ZDHHC7: variants seen among roughly 807,000 people sequenced by gnomAD.
ZDHHC7 encodes the protein palmitoyltransferase ZDHHC7.
ZDHHC7 carries 12 observed loss-of-function variants against 34.1 expected under a neutral mutation model. The observed-to-expected ratio is 0.35, with a 90% CI of 0.23 to 0.57. The LOEUF is 0.57. ZDHHC7 is among the 20% of genes least tolerant of loss of function. The pLI is 0.84. For missense variants in ZDHHC7, 388 were observed against 402.7 expected (o/e 0.96, Z 0.31); for synonymous variants, 185 against 155.4 (o/e 1.19, Z -1.42).
chr16:84,982,835 C>T (rs1026386594), intron 3 of ZDHHC7, among the ~76,000 whole-genome samples: 7 of 152,154 alleles, frequency 4.6e-5, no homozygotes, highest in African/African-American at 1.2e-4. Context: ...GGCGAAGCAG[C>T]GGAAAGAGGA....
At chr16:85,018,542 G>A in the ZDHHC7 span, among the ~76,000 whole-genome samples, 5 of 151,880 alleles carry the variant, frequency 3.3e-5, no homozygotes. Context: ...CCATCTCCCA[G>A]GTTTAAGCAA....
At chr16:85,014,410 G>C (rs773180901), upstream of ZDHHC7, among the ~76,000 whole-genome samples, 5 of 152,140 alleles carry the variant, frequency 3.3e-5, no homozygotes, top group Non-Finnish European at 7.3e-5. Flanking sequence ...TTTTAGAAAA[G>C]GTTTATTTAA....
intron 1 of ZDHHC7, among the ~76,000 whole-genome samples, chr16:84,997,913 A>C (rs1412432559): frequency 6.7e-6 from 1 of 150,090 alleles, no homozygotes; most frequent in East Asian, 2.0e-4. Flanking sequence ...AAAAAAAAAA[A>C]AAAAATAGAA....
intron 1 of ZDHHC7, 56 bp from the exon 2 acceptor site, chr16:84,996,063 G>T (rs1156766459): frequency 6.6e-6 from 1 of 152,122 alleles, no homozygotes; most frequent in Non-Finnish European, 1.5e-5. Context: ...ACAGACGTGT[G>T]TCATATTTCT....
chr16:85,011,432 G>C lies in ZDHHC7; in HGVS notation c.-250C>G, dbSNP rs1397030605. ...CGGGCCCCGCGGCTCGGCTCGGCTTGGTCCCCTGGGTCCCGCCGGGCAGGT... is the reference window on the plus strand; with the variant it reads ...CGGGCCCCGCGGCTCGGCTCGGCTTCGTCCCCTGGGTCCCGCCGGGCAGGT... On this transcript the variant is annotated 5_prime_UTR_variant, in exon 1 of 8. Coordinates refer to ENST00000313732, the MANE Select transcript of ZDHHC7 (RefSeq NM_017740.3). 1.3e-5 allele frequency: 2 copies of C among 151,946 alleles called. No homozygotes were observed. Among genetic ancestry groups the C allele is most frequent in the African/African-American group, 4.8e-5 (2 of 41,414 alleles). The allele number at this position is 151,946 out of a possible 1,614,324, so 9.4% of individuals were successfully genotyped here.
the ZDHHC7 span, among the ~76,000 whole-genome samples, chr16:85,021,527 A>G: frequency 6.6e-6 from 1 of 151,686 alleles, no homozygotes; most frequent in African/African-American, 2.4e-5. Context: ...TGGCCAACAC[A>G]GTGAAACCTT....
chr16:84,991,206 G>C (rs2072504965), intron 2 of ZDHHC7, among the ~76,000 whole-genome samples: 1 of 152,184 alleles, frequency 6.6e-6, no homozygotes, highest in East Asian at 1.9e-4. Flanking sequence ...TCGCTTATCT[G>C]TGATGTTTTT....
intron 7 of ZDHHC7, among the ~76,000 whole-genome samples, chr16:84,976,781 C>T (rs1567490793): frequency 6.6e-6 from 1 of 152,368 alleles, no homozygotes; most frequent in South Asian, 2.1e-4. Context: ...TTACTGTGTA[C>T]AGACATTTAC....
At chr16:85,002,818 C>G (rs1354536289) in intron 1 of ZDHHC7, among the ~76,000 whole-genome samples, 1 of 151,982 alleles carries the variant, frequency 6.6e-6, no homozygotes, top group Non-Finnish European at 1.5e-5. Context: ...GCAGTTCACT[C>G]AGGAAGACGA....
At chr16:84,977,035 T>C in intron 7 of ZDHHC7, 60 bp downstream of exon 7, 1 of 1,600,934 alleles carries the variant, frequency 6.2e-7, no homozygotes, top group East Asian at 2.2e-5. Context: ...ACATTAGGAC[T>C]TTTCATTTAC....
At chr16:85,015,293 G>A (rs1738826116), upstream of ZDHHC7, among the ~76,000 whole-genome samples, 1 of 151,918 alleles carries the variant, frequency 6.6e-6, no homozygotes, top group Non-Finnish European at 1.5e-5. Context: ...TAGAGACGAG[G>A]TTTCATCATG....
chr16:85,003,955 A>G (rs1025860046), intron 1 of ZDHHC7, among the ~76,000 whole-genome samples: 10 of 152,160 alleles, frequency 6.6e-5, no homozygotes, highest in Admixed American at 3.3e-4. Flanking sequence ...ACCCGGGCTT[A>G]GTCCTCGGCC....
intron 6 of ZDHHC7, among the ~76,000 whole-genome samples, chr16:84,977,662 C>T (rs1405393388): frequency 6.6e-6 from 1 of 152,178 alleles, no homozygotes; most frequent in African/African-American, 2.4e-5. Context: ...TGCTTAGGGT[C>T]GGTCACTCAC....
chr16:84,991,068 T>C (rs1254403902), intron 2 of ZDHHC7, among the ~76,000 whole-genome samples: 42 of 152,162 alleles, frequency 2.8e-4, no homozygotes, highest in Admixed American at 2.7e-3. Context: ...CGGCACACAC[T>C]TCAGCAAGCA....
Position 84,975,174 on chromosome 16 carries a change from CG to C in ZDHHC7, c.*1168del, listed in dbSNP as rs1445948552. 1 of 152,678 alleles carries C rather than the reference CG, an allele frequency of 6.5e-6. No individual in the cohort carries two copies. The highest frequency in any genetic ancestry group is 2.4e-5 in the African/African-American group (1 of 41,460). The allele number at this position is 152,678 out of a possible 1,614,324, so 9.5% of individuals were successfully genotyped here. On this transcript the variant is annotated 3_prime_UTR_variant, in exon 8 of 8. Coordinates refer to ENST00000313732, the MANE Select transcript of ZDHHC7 (RefSeq NM_017740.3). The stretch of plus-strand genomic sequence containing the variant: ...CCTGTGCCGTGGGTGGAGAAGAAAA[CG>C]TAAAAGCTAACCAAAAACTCCAACA...
At chr16:85,010,944 T>C (rs1230824621) in intron 1 of ZDHHC7, among the ~76,000 whole-genome samples, 2 of 152,242 alleles carry the variant, frequency 1.3e-5, no homozygotes, top group East Asian at 1.9e-4. Context: ...CTTTACAGCT[T>C]ACACAGGGTT....
chr16:84,981,822 T>C, intron 4 of ZDHHC7, 48 bp downstream of exon 4: 4 of 1,612,330 alleles, frequency 2.5e-6, no homozygotes, highest in Middle Eastern at 2.0e-4. Flanking sequence ...GCAGCACACG[T>C]ACCCGCAGTG....
chr16:84,993,050 A>C (rs148316256), intron 2 of ZDHHC7, among the ~76,000 whole-genome samples: 1 of 152,330 alleles, frequency 6.6e-6, no homozygotes, highest in Non-Finnish European at 1.5e-5. Context: ...AAAATGTTTA[A>C]GGCTGGGTGC....
chr16:84,980,589 G>C (rs2072354913), intron 4 of ZDHHC7, among the ~76,000 whole-genome samples: 1 of 152,062 alleles, frequency 6.6e-6, no homozygotes, highest in South Asian at 2.1e-4. Context: ...AGAATCGCTT[G>C]AGCCTGAGAG....
Sources: allele counts gnomAD v4.1 joint callset (sites outside exome capture counted in the v4.1 genomes callset), GRCh38; gene constraint gnomAD v4.1.1; transcripts MANE v1.5; gene names NCBI Gene and HGNC (gene_info 2026-07-23, HGNC 2026-07-21).